The following MAP2K5 variants were observed in gnomAD, a reference collection of about 807,000 sequenced individuals.
MAP2K5 encodes dual specificity mitogen-activated protein kinase kinase 5.
In MAP2K5, 49 loss-of-function variants were observed where a neutral mutation model predicts 83.1. The observed-to-expected ratio is 0.59, with a 90% CI of 0.47 to 0.75. The LOEUF (loss-of-function observed/expected upper bound fraction) is 0.75, where lower values mean the gene tolerates loss of function less well. Among genes scored for constraint, MAP2K5 ranks in the 30% least tolerant of loss-of-function variants. MAP2K5 has a pLI of 0.00. For missense variants in MAP2K5, 457 were observed against 557.5 expected (o/e 0.82, Z 1.82); for synonymous variants, 202 against 191.8 (o/e 1.05, Z -0.44).
intron 17 of MAP2K5, among the ~76,000 whole-genome samples, chr15:67,744,442 T>G (rs1256843679): frequency 1.3e-5 from 2 of 152,214 alleles, no homozygotes; most frequent in Non-Finnish European, 2.9e-5. Context: ...AAGAGAAAAT[T>G]TGTCAACTGA....
intron 8 of MAP2K5, among the ~76,000 whole-genome samples, chr15:67,623,142 T>G (rs573100588): frequency 1.3e-5 from 2 of 152,240 alleles, no homozygotes; most frequent in East Asian, 1.9e-4. Context: ...ATATAGGTAT[T>G]TTTAGGGTAG....
chr15:67,620,141 C>T (rs566246871), intron 8 of MAP2K5, among the ~76,000 whole-genome samples: 11 of 152,296 alleles, frequency 7.2e-5, no homozygotes, highest in African/African-American at 9.6e-5. Context: ...GAGGTTGAGG[C>T]GGGTAGATCA....
intron 13 of MAP2K5, among the ~76,000 whole-genome samples, chr15:67,673,637 C>T (rs1013915343): frequency 3.9e-5 from 6 of 151,970 alleles, no homozygotes; most frequent in African/African-American, 1.4e-4. Flanking sequence ...TAAAGTGATT[C>T]TTAAACAAAA....
intron 8 of MAP2K5, among the ~76,000 whole-genome samples, chr15:67,617,976 G>A (rs943049382): frequency 9.9e-5 from 15 of 152,160 alleles, no homozygotes; most frequent in African/African-American, 3.6e-4. Context: ...TTACAGGTGT[G>A]AGCCACTGTG....
intron 13 of MAP2K5, among the ~76,000 whole-genome samples, chr15:67,675,797 C>T (rs748746464): frequency 6.6e-6 from 1 of 152,138 alleles, no homozygotes. Flanking sequence ...TTCTCTCTCC[C>T]ATGCTTCTGT....
intron 19 of MAP2K5, among the ~76,000 whole-genome samples, chr15:67,761,272 T>A (rs1427440160): frequency 2.0e-5 from 3 of 152,160 alleles, no homozygotes; most frequent in African/African-American, 7.2e-5. Flanking sequence ...CCTCTTTCCC[T>A]TTGTTCCCCT....
In MAP2K5 at chr15:67,768,458, T is replaced by C. The variant is rs2090083032; in HGVS notation, c.1135-1144T>C. ...TGTTTGGCTCCCACCAAATGCTGCA[T>C]GCTCTGAGTTTCTTGCCTGCAGCGC... On this transcript the variant is annotated intron_variant, in intron 19 of 21. Transcript: ENST00000178640. This position sits in a 1 kb window ranked among gnomAD's most constrained non-coding sequence, Gnocchi z 4.0. 6.6e-6 allele frequency among the ~76,000 whole-genome samples: 1 copy of C among 152,228 alleles called. No individual in the cohort carries two copies. Among genetic ancestry groups the C allele is most frequent in the Non-Finnish European group, 1.5e-5 (1 of 68,036 alleles).
At chr15:67,754,009 G>A (rs771682789) in intron 19 of MAP2K5, among the ~76,000 whole-genome samples, 53 of 152,284 alleles carry the variant, frequency 3.5e-4, no homozygotes, top group Non-Finnish European at 6.5e-4. Flanking sequence ...GCTGCAGTAC[G>A]GATGTACCTT....
Position 67,760,946 on chromosome 15 carries a change from G to A in MAP2K5, c.1135-8656G>A, listed in dbSNP as rs150173492. 1.2e-3 allele frequency among the ~76,000 whole-genome samples: 180 copies of A among 152,206 alleles called. No individual in the cohort carries two copies. Among genetic ancestry groups the A allele is most frequent in the African/African-American group, 3.6e-3 (151 of 41,532 alleles). The stretch of plus-strand genomic sequence containing the variant: ...GCTTCACTGCCGAGTTGCTGTAATC[G>A]TTTTGCCGGCTGTTAATTTTCTCTA... On this transcript the variant is annotated intron_variant, in intron 19 of 21. Transcript: ENST00000178640. The surrounding 1 kb of genome is among the most constrained non-coding windows in gnomAD (Gnocchi z 4.1).
chr15:67,583,744 C>CCTAT (rs1555528789), intron 4 of MAP2K5, among the ~76,000 whole-genome samples: 1 of 147,836 alleles, frequency 6.8e-6, no homozygotes, highest in Non-Finnish European at 1.5e-5. Context: ...TGATTGTTTC[C>CCTAT]TTATTTATTT....
chr15:67,693,627 G>C, intron 15 of MAP2K5, 59 bp downstream of exon 15: 1 of 1,246,708 alleles, frequency 8.0e-7, no homozygotes, highest in Non-Finnish European at 1.2e-6. Context: ...TTATGTACTT[G>C]GTAATGTATA....
chr15:67,595,803 T>C (rs1056641955), intron 7 of MAP2K5, among the ~76,000 whole-genome samples: 1 of 152,184 alleles, frequency 6.6e-6, no homozygotes, highest in African/African-American at 2.4e-5. Context: ...TGATGTGTTT[T>C]CTGGATTTGT....
intron 17 of MAP2K5, among the ~76,000 whole-genome samples, chr15:67,739,279 CAAAA>C (rs59837680): frequency 5.1e-5 from 4 of 78,764 alleles, no homozygotes. Flanking sequence ...GACCCTGTCT[CAAAA>C]AAAAAAAAAA....
At chr15:67,666,986 T>G (rs1347325577) in intron 13 of MAP2K5, among the ~76,000 whole-genome samples, 1 of 152,216 alleles carries the variant, frequency 6.6e-6, no homozygotes, top group Non-Finnish European at 1.5e-5. Flanking sequence ...TATATTCATA[T>G]TTAGCTTTTG....
intron 8 of MAP2K5, among the ~76,000 whole-genome samples, chr15:67,621,078 C>T (rs7170143): frequency 0.15 from 22,155 of 151,726 alleles, 2,086 homozygotes; most frequent in African/African-American, 0.26. Context: ...TACCAAGACA[C>T]AGCAAAATTG....
intron 1 of MAP2K5, 85 bp from the exon 2 acceptor site, chr15:67,549,949 G>C (rs2084474055): frequency 2.0e-6 from 2 of 978,428 alleles, no homozygotes; most frequent in Admixed American, 3.6e-5. Flanking sequence ...ATCTTTCCCA[G>C]GTTCTCATAT....
At chr15:67,605,390 T>A (rs1016582272) in intron 8 of MAP2K5, among the ~76,000 whole-genome samples, 1 of 152,196 alleles carries the variant, frequency 6.6e-6, no homozygotes, top group Non-Finnish European at 1.5e-5. Flanking sequence ...CTCACAGAAT[T>A]ATAGTTGTGT....
intron 11 of MAP2K5, among the ~76,000 whole-genome samples, chr15:67,654,636 T>G (rs1790410132): frequency 6.6e-6 from 1 of 152,218 alleles, no homozygotes; most frequent in African/African-American, 2.4e-5. Context: ...TTTTCAAAGG[T>G]ACCATTTAAA....
rs941627966 is a variant in MAP2K5 at position 67,640,941 on chromosome 15, A to G, written c.586-5290A>G. On this transcript the variant is annotated intron_variant, in intron 9 of 21. Transcript: ENST00000178640. This position sits in a 1 kb window ranked among gnomAD's most constrained non-coding sequence, Gnocchi z 4.6. ...TGCTAATCACATTTTAAAGATAACT[A>G]TTTCATAATGACCATGTGTAATTCA... Among the ~76,000 whole-genome samples, 7 of 152,196 alleles carry G rather than the reference A, an allele frequency of 4.6e-5. No individual in the cohort carries two copies. Among genetic ancestry groups the G allele is most frequent in the South Asian group, 2.1e-4 (1 of 4,832 alleles).
Sources: allele counts gnomAD v4.1 joint callset (sites outside exome capture counted in the v4.1 genomes callset), GRCh38; gene constraint gnomAD v4.1.1; non-coding constraint Gnocchi (gnomAD v3.1); transcripts MANE v1.5; gene names NCBI Gene and HGNC (gene_info 2026-07-23, HGNC 2026-07-21).